Variants in DENND5B observed in about 807,000 individuals in gnomAD.
DENND5B encodes DENN domain-containing protein 5B.
DENND5B carries 34 observed loss-of-function variants against 140.6 expected under a neutral mutation model. That is an observed-to-expected ratio of 0.24 (90% CI 0.18 to 0.32). The LOEUF (loss-of-function observed/expected upper bound fraction) is 0.32. Among genes scored for constraint, DENND5B ranks in the 10% least tolerant of loss-of-function variants. DENND5B has a pLI of 1.00. For synonymous variants in DENND5B, 551 were observed against 562.1 expected, an observed-to-expected ratio of 0.98 and a Z score of 0.28; for missense variants, 1,142 against 1,560.2, an observed-to-expected ratio of 0.73 and a Z score of 4.52.
At chr12:31,436,241 A>C (rs1274274286) in intron 7 of DENND5B, among the ~76,000 whole-genome samples, 1 of 151,956 alleles carries the variant, frequency 6.6e-6, no homozygotes, top group African/African-American at 2.4e-5. Flanking sequence ...CTGGGACTAC[A>C]GGTATGTGCC....
chr12:31,554,459 G>A (rs1463420970), intron 1 of DENND5B, among the ~76,000 whole-genome samples: 1 of 152,090 alleles, frequency 6.6e-6, no homozygotes, highest in East Asian at 1.9e-4. Context: ...GCTTCCCTTT[G>A]TGGGTAACCC....
At chr12:31,406,752 G>GT in intron 14 of DENND5B, among the ~76,000 whole-genome samples, 1 of 152,158 alleles carries the variant, frequency 6.6e-6, no homozygotes, top group Non-Finnish European at 1.5e-5. Context: ...TTACTCAGAT[G>GT]AAGAGAAATC....
chr12:31,493,535 A>T (rs1215774302), intron 2 of DENND5B, among the ~76,000 whole-genome samples: 3 of 152,060 alleles, frequency 2.0e-5, no homozygotes, highest in Non-Finnish European at 2.9e-5. Flanking sequence ...CTCTACTAAA[A>T]ATGCAAAAAT....
At chr12:31,437,146 C>G (rs1383621906) in intron 7 of DENND5B, among the ~76,000 whole-genome samples, 2 of 145,054 alleles carry the variant, frequency 1.4e-5, no homozygotes, top group Admixed American at 1.4e-4. Context: ...CTGCCCCCCC[C>G]TTTTTTTTTT....
chr12:31,427,267 A>G (rs1027014164), intron 8 of DENND5B, among the ~76,000 whole-genome samples: 4 of 152,170 alleles, frequency 2.6e-5, no homozygotes, highest in Admixed American at 1.3e-4. Flanking sequence ...ACATGTGTTT[A>G]GTGCAAGACA....
At chr12:31,398,791 T>C (rs551651680) in intron 16 of DENND5B, among the ~76,000 whole-genome samples, 1 of 152,234 alleles carries the variant, frequency 6.6e-6, no homozygotes, top group African/African-American at 2.4e-5. Context: ...CCAACACTTG[T>C]GGACTAAGCA....
chr12:31,521,305 C>G (rs1423655596), intron 1 of DENND5B, among the ~76,000 whole-genome samples: 4 of 100,438 alleles, frequency 4.0e-5, no homozygotes, highest in Non-Finnish European at 6.0e-5. Context: ...CACTTTAGTA[C>G]AAAAAAACTT....
intron 9 of DENND5B, 90 bp from the exon 10 acceptor site, chr12:31,424,777 T>C: frequency 6.7e-7 from 1 of 1,483,926 alleles, no homozygotes; most frequent in Non-Finnish European, 9.1e-7. Flanking sequence ...TTGGTTTCCC[T>C]TCATTATACT....
chr12:31,399,607 A>G (rs1270705862), intron 16 of DENND5B, 47 bp downstream of exon 16: 1 of 1,467,574 alleles, frequency 6.8e-7, no homozygotes, highest in Admixed American at 1.8e-5. Flanking sequence ...TCTTACCTGA[A>G]GAGTCTTAAA....
chr12:31,546,037 G>A (rs1948847850), intron 1 of DENND5B, among the ~76,000 whole-genome samples: 1 of 147,154 alleles, frequency 6.8e-6, no homozygotes, highest in Non-Finnish European at 1.5e-5. Context: ...AGGAAATACA[G>A]TGAAATATTA....
chr12:31,417,532 A>C (rs1392000692), intron 11 of DENND5B, among the ~76,000 whole-genome samples: 3 of 151,970 alleles, frequency 2.0e-5, no homozygotes, highest in Non-Finnish European at 4.4e-5. Flanking sequence ...AATAGCTAAC[A>C]TTTATTTAAG....
At chr12:31,503,403 T>C (rs1375216207) in intron 1 of DENND5B, among the ~76,000 whole-genome samples, 1 of 151,800 alleles carries the variant, frequency 6.6e-6, no homozygotes, top group Non-Finnish European at 1.5e-5. Context: ...CTACAAAAAA[T>C]ATAAAAATTA....
At chr12:31,560,782 C>G (rs1949447065) in intron 1 of DENND5B, among the ~76,000 whole-genome samples, 1 of 152,168 alleles carries the variant, frequency 6.6e-6, no homozygotes, top group African/African-American at 2.4e-5. Context: ...TCGAACTCAC[C>G]AGGTGACCGC....
At chr12:31,571,416 C>A (rs1395379358) in intron 1 of DENND5B, among the ~76,000 whole-genome samples, 1 of 151,986 alleles carries the variant, frequency 6.6e-6, no homozygotes, top group Non-Finnish European at 1.5e-5. Flanking sequence ...TAGCATTAAG[C>A]AACTGAGTGA....
chr12:31,404,114 A>T (rs1469283765), intron 14 of DENND5B, among the ~76,000 whole-genome samples: 1 of 151,670 alleles, frequency 6.6e-6, no homozygotes, highest in Non-Finnish European at 1.5e-5. Context: ...AGTCCCAGCT[A>T]CTCAGGAGGA....
chr12:31,571,869 A>T (rs1949834760), intron 1 of DENND5B, among the ~76,000 whole-genome samples: 1 of 152,198 alleles, frequency 6.6e-6, no homozygotes, highest in Non-Finnish European at 1.5e-5. Context: ...TTGACCTCTT[A>T]AAGTGCTGGG....
chr12:31,436,536 A>C (rs377184264), intron 7 of DENND5B, among the ~76,000 whole-genome samples: 6 of 151,434 alleles, frequency 4.0e-5, no homozygotes, highest in African/African-American at 1.5e-4. Context: ...AGCTCCTGCA[A>C]TTTTCTTTTT....
intron 19 of DENND5B, among the ~76,000 whole-genome samples, chr12:31,389,813 C>G (rs935598120): frequency 1.3e-5 from 2 of 152,090 alleles, no homozygotes; most frequent in Non-Finnish European, 2.9e-5. Flanking sequence ...AAGACTGGAA[C>G]CTTCTAGGAG....
At chr12:31,405,495 G>A (rs577969184) in intron 14 of DENND5B, among the ~76,000 whole-genome samples, 2 of 151,456 alleles carry the variant, frequency 1.3e-5, no homozygotes, top group African/African-American at 2.4e-5. Context: ...TAAGACTACC[G>A]GCATGAGCCA....
Sources: allele counts gnomAD v4.1 joint callset (sites outside exome capture counted in the v4.1 genomes callset), GRCh38; gene constraint gnomAD v4.1.1; transcripts MANE v1.5; gene names NCBI Gene and HGNC (gene_info 2026-07-23, HGNC 2026-07-21).